The following SGCZ variants were observed in gnomAD, a reference collection of about 807,000 sequenced individuals.
SGCZ encodes zeta-sarcoglycan.
SGCZ carries 40 observed loss-of-function variants against 41.3 expected under a neutral mutation model. The ratio of observed to expected loss-of-function variants is 0.97; its 90% CI spans 0.75 to 1.26. SGCZ has a LOEUF of 1.26. Ranked by LOEUF, SGCZ falls within the 50% of genes most tolerant of loss-of-function variation. The probability of loss-of-function intolerance (pLI) is 0.00; values close to 1 mark genes in which losing one functional copy is unlikely to be tolerated. For missense variants in SGCZ, 552 were observed against 369.8 expected (o/e 1.49, Z -4.04); for synonymous variants, 206 against 137.5 (o/e 1.50, Z -3.49).
At chr8:14,621,475 CA>C (rs964305703) in intron 1 of SGCZ, among the ~76,000 whole-genome samples, 42 of 149,386 alleles carry the variant, frequency 2.8e-4, no homozygotes, top group Non-Finnish European at 4.5e-4. Context: ...TTGGGAAGCA[CA>C]AAAAAAATAA....
chr8:14,314,036 G>T (rs560814037), intron 3 of SGCZ, among the ~76,000 whole-genome samples: 6 of 151,428 alleles, frequency 4.0e-5, no homozygotes, highest in African/African-American at 1.2e-4. Context: ...GGTGATGAAG[G>T]GATCTTCATT....
intron 2 of SGCZ, among the ~76,000 whole-genome samples, chr8:14,477,565 G>C (rs1462969767): frequency 3.9e-5 from 6 of 152,088 alleles, no homozygotes; most frequent in African/African-American, 1.4e-4. Context: ...TCCTTCAGTA[G>C]TTTATCATCT....
intron 1 of SGCZ, among the ~76,000 whole-genome samples, chr8:14,575,046 C>A (rs776772855): frequency 2.4e-4 from 37 of 152,080 alleles, no homozygotes; most frequent in Non-Finnish European, 4.3e-4. Flanking sequence ...ATAGTTATAT[C>A]CTTATTAGCC....
At chr8:14,230,110 T>G (rs1023211089) in intron 4 of SGCZ, among the ~76,000 whole-genome samples, 1 of 152,100 alleles carries the variant, frequency 6.6e-6, no homozygotes, top group East Asian at 1.9e-4. Context: ...CAGATGGCAT[T>G]TTGTCAGGAT....
chr8:14,326,652 C>T (rs936077688), intron 2 of SGCZ, among the ~76,000 whole-genome samples: 3 of 152,000 alleles, frequency 2.0e-5, no homozygotes, highest in African/African-American at 7.2e-5. Flanking sequence ...AGGAAACCAA[C>T]CCAAAATGAA....
chr8:14,490,561 T>C (rs1330587190), intron 2 of SGCZ, among the ~76,000 whole-genome samples: 1 of 152,194 alleles, frequency 6.6e-6, no homozygotes. Context: ...CTCTGTTTCA[T>C]TGATGAGTAT....
At chr8:15,114,048 G>A (rs1288128217) in intron 1 of SGCZ, among the ~76,000 whole-genome samples, 1 of 152,144 alleles carries the variant, frequency 6.6e-6, no homozygotes, top group African/African-American at 2.4e-5. Context: ...TCTCCTGCCA[G>A]ATTAGAGAAA....
intron 1 of SGCZ, among the ~76,000 whole-genome samples, chr8:14,599,359 A>C (rs1805514163): frequency 6.6e-6 from 1 of 152,000 alleles, no homozygotes; most frequent in Admixed American, 6.6e-5. Flanking sequence ...ACTTGTCAAA[A>C]CCACCTCTAC....
intron 4 of SGCZ, among the ~76,000 whole-genome samples, chr8:14,195,123 A>G (rs1169470614): frequency 6.6e-6 from 1 of 152,128 alleles, no homozygotes; most frequent in Non-Finnish European, 1.5e-5. Flanking sequence ...GATTTTAGCC[A>G]ATTAAAAGTG....
chr8:15,085,367 G>A (rs1008953993), intron 1 of SGCZ, among the ~76,000 whole-genome samples: 1 of 152,168 alleles, frequency 6.6e-6, no homozygotes, highest in Non-Finnish European at 1.5e-5. Context: ...TGATCATGTA[G>A]AAGACTCTTA....
chr8:15,205,843 C>A (rs111631642), intron 1 of SGCZ, among the ~76,000 whole-genome samples: 8,301 of 152,152 alleles, frequency 0.055, 257 homozygotes, highest in South Asian at 0.074. Context: ...TTCACAATAG[C>A]AAACACATGG....
chr8:14,988,031 C>A (rs935924407), intron 1 of SGCZ, among the ~76,000 whole-genome samples: 1 of 151,848 alleles, frequency 6.6e-6, no homozygotes, highest in Non-Finnish European at 1.5e-5. Flanking sequence ...CTTATTTGAG[C>A]CTACCATCCT....
intron 2 of SGCZ, among the ~76,000 whole-genome samples, chr8:14,359,199 A>C (rs1292361951): frequency 2.0e-5 from 3 of 152,140 alleles, no homozygotes; most frequent in Non-Finnish European, 4.4e-5. Context: ...AAACTCCCAA[A>C]AGTCAAGGAT....
intron 1 of SGCZ, among the ~76,000 whole-genome samples, chr8:14,626,985 TA>T (rs1336552531): frequency 1.3e-5 from 2 of 152,152 alleles, no homozygotes; most frequent in Non-Finnish European, 2.9e-5. Context: ...CCTCACATGG[TA>T]AAAAAAGCAC....
At chr8:14,223,884 A>T (rs1044863798) in intron 4 of SGCZ, among the ~76,000 whole-genome samples, 1 of 152,232 alleles carries the variant, frequency 6.6e-6, no homozygotes, top group Non-Finnish European at 1.5e-5. Flanking sequence ...TAGTGATAGC[A>T]GTTAACACTT....
chr8:14,596,907 T>A (rs1325966743), intron 1 of SGCZ, among the ~76,000 whole-genome samples: 1 of 151,968 alleles, frequency 6.6e-6, no homozygotes, highest in African/African-American at 2.4e-5. Flanking sequence ...TAAAAATAAA[T>A]AACTGAAAAC....
intron 2 of SGCZ, among the ~76,000 whole-genome samples, chr8:14,424,783 A>C (rs1266046408): frequency 6.6e-6 from 1 of 152,200 alleles, no homozygotes; most frequent in Non-Finnish European, 1.5e-5. Context: ...TAAGCTTTTC[A>C]AATGTTTGCT....
At chr8:14,643,327 G>A (rs114431442) in intron 1 of SGCZ, among the ~76,000 whole-genome samples, 2,196 of 151,522 alleles carry the variant, frequency 0.014, 26 homozygotes, top group African/African-American at 0.033. Context: ...CTGTCTACCT[G>A]AAATGTCATC....
intron 1 of SGCZ, among the ~76,000 whole-genome samples, chr8:15,182,667 T>G (rs1347565305): frequency 6.6e-6 from 1 of 152,110 alleles, no homozygotes; most frequent in Non-Finnish European, 1.5e-5. Flanking sequence ...GAGTGGTGAG[T>G]GAATGTTGAA....
Sources: allele counts gnomAD v4.1 joint callset (sites outside exome capture counted in the v4.1 genomes callset), GRCh38; gene constraint gnomAD v4.1.1; transcripts MANE v1.5; gene names NCBI Gene and HGNC (gene_info 2026-07-23, HGNC 2026-07-21).